Variants in CDYL observed in about 807,000 individuals in gnomAD.
CDYL encodes the protein chromodomain Y like, also known as chromodomain Y-like protein.
Under a neutral mutation model 47.3 loss-of-function variants are expected in CDYL, and 8 were observed. The ratio of observed to expected loss-of-function variants is 0.17; its 90% CI spans 0.10 to 0.31. The LOEUF is 0.31. Among genes scored for constraint, CDYL ranks in the 10% least tolerant of loss-of-function variants. The pLI is 1.00. For synonymous variants in CDYL, 266 were observed against 265.0 expected, an observed-to-expected ratio of 1.00 and a Z score of -0.04; for missense variants, 471 against 701.4, an observed-to-expected ratio of 0.67 and a Z score of 3.71.
At chr6:4,782,107 G>A (rs77760101) in intron 1 of CDYL, among the ~76,000 whole-genome samples, 1 of 151,924 alleles carries the variant, frequency 6.6e-6, no homozygotes, top group African/African-American at 2.4e-5. Context: ...AGGAGCTCTC[G>A]GTGGACCAGA....
intron 1 of CDYL, among the ~76,000 whole-genome samples, chr6:4,819,136 C>CTCTCTCTA (rs1759756116): frequency 7.2e-6 from 1 of 139,118 alleles, no homozygotes; most frequent in Non-Finnish European, 1.5e-5. Context: ...CTCTCTCTCT[C>CTCTCTCTA]TCTCTCTCTC....
At chr6:4,787,310 C>A (rs985889624) in intron 1 of CDYL, among the ~76,000 whole-genome samples, 1 of 152,138 alleles carries the variant, frequency 6.6e-6, no homozygotes, top group Non-Finnish European at 1.5e-5. Context: ...TGCACCTAGA[C>A]GAGTCAGAGT....
chr6:4,947,845 G>A (rs1758577058), intron 5 of CDYL, among the ~76,000 whole-genome samples: 1 of 152,216 alleles, frequency 6.6e-6, no homozygotes, highest in Non-Finnish European at 1.5e-5. Flanking sequence ...GTGCCCCACT[G>A]CAGTTGGCCG....
At chr6:4,802,941 A>G (rs1581176345) in intron 1 of CDYL, among the ~76,000 whole-genome samples, 1 of 151,886 alleles carries the variant, frequency 6.6e-6, no homozygotes, top group African/African-American at 2.4e-5. Context: ...CTGTCCTCCC[A>G]TTCCTCTCCT....
chr6:4,882,923 G>A (rs563688589), intron 1 of CDYL, among the ~76,000 whole-genome samples: 3 of 152,152 alleles, frequency 2.0e-5, no homozygotes, highest in South Asian at 2.1e-4. Context: ...CATTCTTGCC[G>A]TCCACTCCAC....
chr6:4,887,278 C>G (rs901609440), intron 1 of CDYL, among the ~76,000 whole-genome samples: 2 of 152,102 alleles, frequency 1.3e-5, no homozygotes, highest in African/African-American at 4.8e-5. Context: ...ATCTAAAGAT[C>G]AATTTGGAGA....
chr6:4,900,614 T>G (rs544538166), intron 2 of CDYL, among the ~76,000 whole-genome samples: 21 of 151,868 alleles, frequency 1.4e-4, no homozygotes, highest in African/African-American at 4.8e-4. Context: ...CTGAAAAGAT[T>G]GTGAGTACAT....
intron 1 of CDYL, among the ~76,000 whole-genome samples, chr6:4,779,390 G>A (rs1314779471): frequency 1.3e-5 from 2 of 150,584 alleles, no homozygotes; most frequent in Admixed American, 6.6e-5. Flanking sequence ...AGGAGGACAG[G>A]TCTGCAGTAA....
At chr6:4,796,286 TA>T (rs201156188) in intron 1 of CDYL, among the ~76,000 whole-genome samples, 2,310 of 152,276 alleles carry the variant, frequency 0.015, 65 homozygotes, top group African/African-American at 0.051. Flanking sequence ...CCAAAAAGTA[TA>T]AAAAATGAAA....
chr6:4,819,158 CTCTCTGTGTGTG>C (rs1439945343), intron 1 of CDYL, among the ~76,000 whole-genome samples: 4 of 128,988 alleles, frequency 3.1e-5, no homozygotes, highest in African/African-American at 1.7e-4. Context: ...CTCTCTCTCT[CTCTCTGTGTGTG>C]TGTGTGTGTG....
At chr6:4,758,351 A>AATAAATAAATAT (rs1554134097) in intron 3 of CDYL, among the ~76,000 whole-genome samples, 6 of 129,074 alleles carry the variant, frequency 4.6e-5, no homozygotes, top group South Asian at 5.5e-4. Context: ...AAAATAAATA[A>AATAAATAAATAT]ATATATATAT....
At chr6:4,815,947 A>G (rs903217209) in intron 1 of CDYL, among the ~76,000 whole-genome samples, 1 of 140,020 alleles carries the variant, frequency 7.1e-6, no homozygotes, top group Non-Finnish European at 1.5e-5. Context: ...ACACCCTCCT[A>G]TATTTTCTTT....
At chr6:4,762,645 CAA>C (rs1173404314) in intron 3 of CDYL, among the ~76,000 whole-genome samples, 547 of 39,612 alleles carry the variant, frequency 0.014, 2 homozygotes, top group African/African-American at 0.038. Context: ...TAAAGGGTAC[CAA>C]AAAAAAAAAA....
rs543463195 is a variant in CDYL, at chr6:4,925,530, C to T, written c.692-9985C>T. On this transcript the variant is annotated intron_variant, in intron 2 of 6. Transcript: ENST00000397588. ...AGGTTCACTCATGCCATTCTCCTGCCTCAGCCTCCCGAGTAGCTGGGACTA... is the reference window on the plus strand; with the variant it reads ...AGGTTCACTCATGCCATTCTCCTGCTTCAGCCTCCCGAGTAGCTGGGACTA... Among the ~76,000 whole-genome samples the T allele has an allele frequency of 9.2e-5, 14 of 151,660 alleles. No individual in the cohort carries two copies. The South Asian group carries it at 2.3e-3, about 25-fold the overall frequency.
intron 3 of CDYL, among the ~76,000 whole-genome samples, chr6:4,742,883 C>T (rs141635020): frequency 2.0e-5 from 3 of 152,360 alleles, no homozygotes; most frequent in African/African-American, 7.2e-5. Flanking sequence ...TGTGCAGGTG[C>T]AGGTTCCCAG....
intron 3 of CDYL, among the ~76,000 whole-genome samples, chr6:4,770,307 C>T (rs554186122): frequency 6.6e-6 from 1 of 152,252 alleles, no homozygotes; most frequent in Admixed American, 6.5e-5. Context: ...AACTTAGACC[C>T]TAGTGTTACC....
At chr6:4,948,223 T>C (rs542429283) in intron 5 of CDYL, among the ~76,000 whole-genome samples, 2 of 152,316 alleles carry the variant, frequency 1.3e-5, no homozygotes, top group East Asian at 3.9e-4. Context: ...CTGTATGATC[T>C]ATGTAGATGT....
chr6:4,788,116 A>G (rs959060014), intron 1 of CDYL, among the ~76,000 whole-genome samples: 31 of 152,212 alleles, frequency 2.0e-4, no homozygotes, highest in African/African-American at 7.0e-4. Flanking sequence ...AGGAAAGGTC[A>G]GGGTCCTTCT....
chr6:4,714,051 G>A (rs972679909), intron 1 of CDYL: 1 of 152,138 alleles, frequency 6.6e-6, no homozygotes, highest in African/African-American at 2.4e-5. Context: ...TCATGCTTAC[G>A]GGACGTGTGG....
Sources: allele counts gnomAD v4.1 joint callset (sites outside exome capture counted in the v4.1 genomes callset), GRCh38; gene constraint gnomAD v4.1.1; transcripts MANE v1.5; gene names NCBI Gene and HGNC (gene_info 2026-07-23, HGNC 2026-07-21).